The following BCL11B variants were observed in gnomAD, a reference collection of about 807,000 sequenced individuals.
BCL11B encodes B-cell lymphoma/leukemia 11B.
Under a neutral mutation model 49.9 loss-of-function variants are expected in BCL11B, and 8 were observed. The ratio of observed to expected loss-of-function variants is 0.16; its 90% CI spans 0.09 to 0.29. The LOEUF (loss-of-function observed/expected upper bound fraction) is 0.29. BCL11B is among the 10% of genes least tolerant of loss of function. The pLI, the probability that BCL11B is intolerant of heterozygous loss-of-function variation, is 1.00. For missense variants in BCL11B, 1,006 were observed against 1,351.0 expected, an observed-to-expected ratio of 0.74 and a Z score of 4.00; for synonymous variants, 739 against 637.4, an observed-to-expected ratio of 1.16 and a Z score of -2.40.
intron 1 of BCL11B, among the ~76,000 whole-genome samples, chr14:99,270,370 T>C (rs1889628395): frequency 6.6e-6 from 1 of 151,874 alleles, no homozygotes; most frequent in Non-Finnish European, 1.5e-5. Flanking sequence ...TGACAACCTT[T>C]TTTTTTTTCC....
chr14:99,186,874 G>C (rs1886868701), intron 3 of BCL11B, among the ~76,000 whole-genome samples: 1 of 152,158 alleles, frequency 6.6e-6, no homozygotes, highest in Non-Finnish European at 1.5e-5. Flanking sequence ...TTTCCATAAG[G>C]TATAAAGGAA....
rs1595080206 is a variant in BCL11B, at chr14:99,257,342, C to T, written c.427+129G>A. On this transcript the variant is annotated intron_variant, in intron 2 of 3. Transcript: ENST00000357195. This position sits in a 1 kb window ranked among gnomAD's most constrained non-coding sequence, Gnocchi z 6.2. The stretch of plus-strand genomic sequence containing the variant: ...ATGGTGGACCCTCAGAAAGGGGGAG[C>T]CCCGGCTGGTGGCCCAGAGGCCATC... 3 of 1,269,124 alleles carry T rather than the reference C, an allele frequency of 2.4e-6. No homozygotes were observed. Among genetic ancestry groups the T allele is most frequent in the Middle Eastern group, 2.9e-4 (1 of 3,430 alleles). 78.6% of individuals were successfully genotyped at this position (1,269,124 alleles called of 1,614,324 possible). A position where few individuals can be genotyped will look rare whatever the true frequency, so the allele number is the denominator to read the frequency against.
At chr14:99,206,456 C>A (rs1887536049) in intron 3 of BCL11B, among the ~76,000 whole-genome samples, 1 of 152,104 alleles carries the variant, frequency 6.6e-6, no homozygotes, top group Non-Finnish European at 1.5e-5. Flanking sequence ...AATTTTGAGC[C>A]ACTCCAAGTA....
In BCL11B at chr14:99,175,198, C is replaced by T. The variant is rs761652461; in HGVS notation, c.1638G>A (p.Leu546=). Residue 546 remains leucine, a synonymous_variant, in exon 4 of 4, where the codon CTG becomes CTA. Coordinates refer to ENST00000357195, the MANE Select transcript of BCL11B (RefSeq NM_138576.4). The part of the protein sequence containing the change: ...EEEEEEEELL[L]ENESRPESSF... ...TCGACTCGGGCCGGCTCTCGTTCTC[C>T]AGTAGCAGCTCCTCCTCCTCCTCCT... is the stretch of plus-strand genomic sequence containing the variant. 3.2e-6 allele frequency: 5 copies of T among 1,565,216 alleles called. No individual in the cohort carries two copies. In the Admixed American group the frequency reaches 5.6e-5, roughly 17 times the overall value.
In BCL11B at chr14:99,231,671, G is replaced by A. The variant is rs1888341005; in HGVS notation, c.428-114C>T. Reference sequence around the variant, plus strand: ...TCTGCTCAGGCCACCCTTCGGGGGTGGGAGGCCCCCGGGGTGCCAGGCCCT... The same window carrying A: ...TCTGCTCAGGCCACCCTTCGGGGGTAGGAGGCCCCCGGGGTGCCAGGCCCT... On this transcript the variant is annotated intron_variant, in intron 2 of 3. Coordinates refer to ENST00000357195, the MANE Select transcript of BCL11B (RefSeq NM_138576.4). The surrounding 1 kb of genome is among the most constrained non-coding windows in gnomAD (Gnocchi z 8.1). 22 of 1,141,628 alleles carry A rather than the reference G, an allele frequency of 1.9e-5. No homozygotes were observed. Among genetic ancestry groups the A allele is most frequent in the Non-Finnish European group, 2.6e-5 (21 of 804,690 alleles). The allele number at this position is 1,141,628 out of a possible 1,614,324, so 70.7% of individuals were successfully genotyped here. A position where few individuals can be genotyped will look rare whatever the true frequency, so the allele number is the denominator to read the frequency against.
chr14:99,245,508 G>T (rs2139925685), intron 2 of BCL11B, among the ~76,000 whole-genome samples: 1 of 152,356 alleles, frequency 6.6e-6, no homozygotes, highest in South Asian at 2.1e-4. Flanking sequence ...ACTCCCGGAG[G>T]CTCCTTCCGT....
At position 99,271,268 on chromosome 14, in the gene BCL11B, G is replaced by A. The variant is rs780219936; in HGVS notation, c.-50C>T. 5.4e-6 allele frequency: 7 copies of A among 1,285,214 alleles called. No homozygotes were observed. The highest frequency in any genetic ancestry group is 2.9e-5 in the South Asian group (1 of 34,670). 79.6% of individuals were successfully genotyped at this position (1,285,214 alleles called of 1,614,324 possible). On this transcript the variant is annotated 5_prime_UTR_variant, in exon 1 of 4. Transcript: ENST00000357195. ...GCCCGGAGAGCTGCACTGATGGGGGGAGCCGGGGGAGGGGGTCCGAGCCGC... is the reference window on the plus strand; with the variant it reads ...GCCCGGAGAGCTGCACTGATGGGGGAAGCCGGGGGAGGGGGTCCGAGCCGC...
At chr14:99,235,288 C>T (rs138293504) in intron 2 of BCL11B, among the ~76,000 whole-genome samples, 14 of 152,280 alleles carry the variant, frequency 9.2e-5, no homozygotes, top group African/African-American at 2.9e-4. Context: ...TCAATTGATA[C>T]ATTTTTTTAA....
chr14:99,175,883 C>G lies in BCL11B; in HGVS notation c.953G>C (p.Ser318Thr). 1 of 1,469,022 alleles carries G rather than the reference C, an allele frequency of 6.8e-7. No homozygotes were observed. The highest frequency in any genetic ancestry group is 9.0e-7 in the Non-Finnish European group (1 of 1,114,676). The allele number at this position is 1,469,022 out of a possible 1,614,324, so 91.0% of individuals were successfully genotyped here. Residue 318 changes from serine to threonine, a missense_variant, in exon 4 of 4, where the codon AGT becomes ACT. By Grantham distance (58) the Ser-to-Thr change is moderately conservative. This residue lies in a region of BCL11B where 411 missense variants were observed against 542.2 expected (regional missense o/e 0.76). Coordinates refer to ENST00000357195, the MANE Select transcript of BCL11B (RefSeq NM_138576.4). Reference protein sequence around the residue: ...GRLPGTPPLFSPPPRHHLDPH... With the variant: ...GRLPGTPPLFTPPPRHHLDPH... ...GTCCAGGTGGTGGCGCGGCGGGGGA[C>G]TGAAGAGAGGCGGCGTGCCCGGCAG... is the stretch of plus-strand genomic sequence containing the variant.
In BCL11B at chr14:99,171,547, C is replaced by T. The variant is rs1886290123; in HGVS notation, c.*2604G>A. ...CAGCAAGTGCCTACATCATATGAAC[C>T]AACCAATATATCCATTCCAGAGGGA... On this transcript the variant is annotated 3_prime_UTR_variant, in exon 4 of 4. Transcript: ENST00000357195. The T allele has an allele frequency of 4.7e-6, 1 of 212,672 alleles. No homozygotes were observed. Among genetic ancestry groups the T allele is most frequent in the African/African-American group, 2.3e-5 (1 of 44,154 alleles). The allele number at this position is 212,672 out of a possible 1,614,324, so 13.2% of individuals were successfully genotyped here. A position where few individuals can be genotyped will look rare whatever the true frequency, so the allele number is the denominator to read the frequency against.
intron 1 of BCL11B, among the ~76,000 whole-genome samples, chr14:99,267,254 A>G (rs1889509254): frequency 6.6e-6 from 1 of 152,128 alleles, no homozygotes; most frequent in Admixed American, 6.5e-5. Flanking sequence ...GCACAGGCAG[A>G]TAGCAACCTC....
intron 3 of BCL11B, among the ~76,000 whole-genome samples, chr14:99,193,917 T>A (rs1162940314): frequency 6.6e-6 from 1 of 152,178 alleles, no homozygotes; most frequent in Non-Finnish European, 1.5e-5. Flanking sequence ...AGGATTTTAT[T>A]TCTCCCCCTT....
chr14:99,170,374 A>T lies in BCL11B; in HGVS notation c.*3777T>A, dbSNP rs1410385759. On this transcript the variant is annotated 3_prime_UTR_variant, in exon 4 of 4. Transcript: ENST00000357195. ...AAGGATGCTTGGTTATACTTTCATA[A>T]CCTGAAATAATGGTTTCTTACATTT... is the stretch of plus-strand genomic sequence containing the variant. 4.5e-6 allele frequency: 1 copy of T among 223,442 alleles called. No individual in the cohort carries two copies. Among genetic ancestry groups the T allele is most frequent in the African/African-American group, 2.2e-5 (1 of 44,734 alleles). 13.8% of individuals were successfully genotyped at this position (223,442 alleles called of 1,614,324 possible).
chr14:99,187,319 G>C (rs1289504071), intron 3 of BCL11B, among the ~76,000 whole-genome samples: 1 of 152,204 alleles, frequency 6.6e-6, no homozygotes, highest in African/African-American at 2.4e-5. Context: ...TTTGTGAAAA[G>C]CTACAGCACA....
chr14:99,190,043 T>A (rs762152088), intron 3 of BCL11B, among the ~76,000 whole-genome samples: 1 of 152,234 alleles, frequency 6.6e-6, no homozygotes, highest in East Asian at 1.9e-4. Flanking sequence ...CAGCACCTGC[T>A]GACAATCCAA....
chr14:99,201,413 T>C (rs1887379436), intron 3 of BCL11B, among the ~76,000 whole-genome samples: 1 of 152,180 alleles, frequency 6.6e-6, no homozygotes, highest in South Asian at 2.1e-4. Flanking sequence ...ATCGCTGTCA[T>C]GATCATCACC....
Position 99,205,646 on chromosome 14 carries a change from C to T in BCL11B, c.640+25699G>A, listed in dbSNP as rs374461107. On this transcript the variant is annotated intron_variant, in intron 3 of 3. Coordinates refer to ENST00000357195, the MANE Select transcript of BCL11B (RefSeq NM_138576.4). The surrounding 1 kb of genome is among the most constrained non-coding windows in gnomAD (Gnocchi z 5.0). ...GACATTTGAAGCATCCGCCCCCCTACCCCCCAGCTTTGTGGAATGAGGTCA... is the reference window on the plus strand; with the variant it reads ...GACATTTGAAGCATCCGCCCCCCTATCCCCCAGCTTTGTGGAATGAGGTCA... Among the ~76,000 whole-genome samples the T allele has an allele frequency of 4.6e-5, 7 of 152,100 alleles. No homozygotes were observed. In the East Asian group the frequency reaches 1.4e-3, roughly 29 times the overall value.
Position 99,170,166 on chromosome 14 carries a change from T to C in BCL11B, c.*3985A>G, listed in dbSNP as rs963186277. The stretch of plus-strand genomic sequence containing the variant: ...CCCTGGAGGCACTCTAGGACCTCAG[T>C]GGGGCATCCAAAGGCAACAGCAGCC... On this transcript the variant is annotated 3_prime_UTR_variant, in exon 4 of 4. Coordinates refer to ENST00000357195, the MANE Select transcript of BCL11B (RefSeq NM_138576.4). The C allele has an allele frequency of 8.9e-6, 2 of 224,478 alleles. No individual in the cohort carries two copies. Among genetic ancestry groups the C allele is most frequent in the African/African-American group, 2.2e-5 (1 of 44,832 alleles). The allele number at this position is 224,478 out of a possible 1,614,324, so 13.9% of individuals were successfully genotyped here. A position where few individuals can be genotyped will look rare whatever the true frequency, so the allele number is the denominator to read the frequency against.
chr14:99,267,160 C>T (rs1889507127), intron 1 of BCL11B, among the ~76,000 whole-genome samples: 1 of 152,074 alleles, frequency 6.6e-6, no homozygotes, highest in Admixed American at 6.5e-5. Flanking sequence ...ACAAAAGCAA[C>T]TGCATTCACC....
Sources: allele counts gnomAD v4.1 joint callset (sites outside exome capture counted in the v4.1 genomes callset), GRCh38; gene constraint gnomAD v4.1.1; regional missense constraint gnomAD v4.1.1; non-coding constraint Gnocchi (gnomAD v3.1); transcripts MANE v1.5; gene names NCBI Gene and HGNC (gene_info 2026-07-23, HGNC 2026-07-21).